The following KAT7 variants were observed in gnomAD, a reference collection of about 807,000 sequenced individuals.
The protein encoded by KAT7 is histone acetyltransferase KAT7.
Under a neutral mutation model 82.1 loss-of-function variants are expected in KAT7, and 10 were observed. The ratio of observed to expected loss-of-function variants is 0.12; its 90% CI spans 0.08 to 0.21. The LOEUF (loss-of-function observed/expected upper bound fraction) is 0.21. KAT7 is among the 10% of genes least tolerant of loss of function. The pLI, the probability that KAT7 is intolerant of heterozygous loss-of-function variation, is 1.00. For missense variants in KAT7, 378 were observed against 760.9 expected (o/e 0.50, Z 5.92); for synonymous variants, 250 against 262.5 (o/e 0.95, Z 0.46).
At chr17:49,798,250 A>G in intron 3 of KAT7, 69 bp from the exon 4 acceptor site, 1 of 1,477,086 alleles carries the variant, frequency 6.8e-7, no homozygotes, top group African/African-American at 1.4e-5. Context: ...GAAGCCCATA[A>G]ACTCTGAATA....
intron 4 of KAT7, among the ~76,000 whole-genome samples, chr17:49,801,401 G>A (rs542538912): frequency 3.4e-4 from 52 of 152,228 alleles, no homozygotes; most frequent in Admixed American, 5.2e-4. Flanking sequence ...GGCTAGGCTG[G>A]TCTCAAACTC....
chr17:49,822,027 C>T (rs2074310280), intron 11 of KAT7, among the ~76,000 whole-genome samples: 1 of 152,058 alleles, frequency 6.6e-6, no homozygotes, highest in Admixed American at 6.6e-5. Context: ...CTGGAGCTGC[C>T]TATTAATAAC....
chr17:49,810,301 G>A (rs541093737), intron 6 of KAT7, among the ~76,000 whole-genome samples: 1 of 151,880 alleles, frequency 6.6e-6, no homozygotes, highest in African/African-American at 2.4e-5. Context: ...TTTTTGCCCC[G>A]GCTGGAGTGC....
chr17:49,822,352 T>C (rs2074315223), intron 11 of KAT7, among the ~76,000 whole-genome samples: 1 of 151,884 alleles, frequency 6.6e-6, no homozygotes, highest in South Asian at 2.1e-4. Context: ...CTCAGCCTCC[T>C]GAGTAGCTGG....
chr17:49,825,946 T>A, intron 12 of KAT7, 54 bp from the exon 13 acceptor site: 1 of 1,548,618 alleles, frequency 6.5e-7, no homozygotes, highest in Non-Finnish European at 8.7e-7. Flanking sequence ...AGTTTTTTGC[T>A]ATTAGGATAA....
At chr17:49,818,634 C>T (rs1323062424) in intron 9 of KAT7, among the ~76,000 whole-genome samples, 1 of 151,974 alleles carries the variant, frequency 6.6e-6, no homozygotes, top group Non-Finnish European at 1.5e-5. Flanking sequence ...TTCCCCCGCT[C>T]TGTTACAGAA....
intron 13 of KAT7, 98 bp from the exon 14 acceptor site, chr17:49,826,595 C>A: frequency 1.3e-6 from 1 of 762,842 alleles, no homozygotes. Context: ...AAGATTCTGT[C>A]CATTTGGATT....
At chr17:49,816,017 C>A (rs2074229576) in intron 8 of KAT7, 104 bp downstream of exon 8, 3 of 660,270 alleles carry the variant, frequency 4.5e-6, no homozygotes, top group Non-Finnish European at 8.1e-6. Context: ...ATGTACCTTG[C>A]TTCTGGAATC....
chr17:49,823,983 G>A (rs2074337184), intron 12 of KAT7, among the ~76,000 whole-genome samples: 1 of 152,168 alleles, frequency 6.6e-6, no homozygotes, highest in South Asian at 2.1e-4. Flanking sequence ...AGGAATACCT[G>A]GGGTACCTTA....
intron 2 of KAT7, chr17:49,795,654 G>C (rs1443743021): frequency 1.2e-5 from 3 of 246,168 alleles, no homozygotes; most frequent in Non-Finnish European, 2.7e-5. Context: ...AAAGTAAGAA[G>C]ACCAAAGCAG....
chr17:49,816,251 C>T (rs946247464), intron 8 of KAT7, among the ~76,000 whole-genome samples: 5 of 152,194 alleles, frequency 3.3e-5, no homozygotes, highest in Admixed American at 6.6e-5. Flanking sequence ...AGGAGAGACT[C>T]ATCTCTGTTG....
intron 2 of KAT7, among the ~76,000 whole-genome samples, chr17:49,794,434 C>T (rs2073928716): frequency 6.6e-6 from 1 of 152,152 alleles, no homozygotes; most frequent in South Asian, 2.1e-4. Context: ...TACAGGCGAG[C>T]ACCACCATAC....
rs746989326 is a variant in KAT7, at chr17:49,834,178, CCTT to C, written c.*6679_*6681del. 7 of 152,240 alleles carry C rather than the reference CCTT, an allele frequency of 4.6e-5. No homozygotes were observed. The highest frequency in any genetic ancestry group is 2.1e-4 in the South Asian group (1 of 4,830). 9.4% of individuals were successfully genotyped at this position (152,240 alleles called of 1,614,324 possible). ...TTGATCGATTTATGAGACAGGGTCTCCTTCTGTCACCCAGGCTGGAGTGCAGTG... is the reference window on the plus strand; with the variant it reads ...TTGATCGATTTATGAGACAGGGTCTCCTGTCACCCAGGCTGGAGTGCAGTG... On this transcript the variant is annotated 3_prime_UTR_variant, in exon 15 of 15. Transcript: ENST00000259021.
chr17:49,823,366 T>C (rs900193119), intron 12 of KAT7, 71 bp downstream of exon 12: 5 of 851,280 alleles, frequency 5.9e-6, no homozygotes, highest in Non-Finnish European at 9.9e-6. Flanking sequence ...CTTTTTGTCC[T>C]GTGGTCTCTG....
chr17:49,796,166 T>C (rs2073953427), intron 2 of KAT7, among the ~76,000 whole-genome samples: 1 of 152,298 alleles, frequency 6.6e-6, no homozygotes, highest in South Asian at 2.1e-4. Context: ...TTTACCTTTA[T>C]GAATCTATTA....
At position 49,826,321 on chromosome 17, in the gene KAT7, A is replaced by G; in HGVS notation, c.1627+175A>G. 5 of 595,498 alleles carry G rather than the reference A, an allele frequency of 8.4e-6. No individual in the cohort carries two copies. The South Asian group carries it at 1.2e-4, about 14-fold the overall frequency. 36.9% of individuals were successfully genotyped at this position (595,498 alleles called of 1,614,324 possible). ...ATTTGGCCCCTGGGAATGGTTATTA[A>G]TTGGCTTCTCAAATCCAGAGTTGCC... On this transcript the variant is annotated intron_variant, in intron 13 of 14. Transcript: ENST00000259021.
chr17:49,818,310 C>A (rs2143957044), intron 9 of KAT7, among the ~76,000 whole-genome samples: 1 of 152,282 alleles, frequency 6.6e-6, no homozygotes, highest in East Asian at 1.9e-4. Context: ...ATATGAATTA[C>A]CTCTGCCCAC....
At position 49,834,315 on chromosome 17, in the gene KAT7, CT is replaced by C; in HGVS notation, c.*6818del. The C allele has an allele frequency of 6.6e-6, 1 of 152,206 alleles. No homozygotes were observed. The highest frequency in any genetic ancestry group is 1.5e-5 in the Non-Finnish European group (1 of 68,062). 9.4% of individuals were successfully genotyped at this position (152,206 alleles called of 1,614,324 possible). On this transcript the variant is annotated 3_prime_UTR_variant, in exon 15 of 15. Coordinates refer to ENST00000259021, the MANE Select transcript of KAT7 (RefSeq NM_007067.5). ...GGCGTGCACTACCACGCCCGGCTAC[CT>C]TTTTGTATTTTCAGTAGAGACGAGG...
At chr17:49,819,377 T>A (rs2074274524) in intron 9 of KAT7, among the ~76,000 whole-genome samples, 2 of 152,014 alleles carry the variant, frequency 1.3e-5, no homozygotes, top group South Asian at 4.1e-4. Context: ...CAGGAAATAA[T>A]GGGGTCAGAA....
Sources: gnomAD v4.1 joint callset for allele counts (sites outside exome capture counted in the v4.1 genomes callset) on GRCh38, gnomAD v4.1.1 for gene constraint, MANE v1.5 for transcripts, NCBI Gene and HGNC (gene_info 2026-07-23, HGNC 2026-07-21) for gene names.